DPP10: variants seen among roughly 807,000 people sequenced by gnomAD.
The protein encoded by DPP10 is dipeptidyl peptidase like 10.
In DPP10, 33 loss-of-function variants were observed where a neutral mutation model predicts 120.9. The observed-to-expected ratio is 0.27, with a 90% CI of 0.21 to 0.37. The LOEUF (loss-of-function observed/expected upper bound fraction) is 0.37. Among genes scored for constraint, DPP10 ranks in the 10% least tolerant of loss-of-function variants. DPP10 has a pLI of 1.00. For missense variants in DPP10, 816 were observed against 942.8 expected, an observed-to-expected ratio of 0.87 and a Z score of 1.76; for synonymous variants, 337 against 326.1, an observed-to-expected ratio of 1.03 and a Z score of -0.36.
At chr2:115,370,493 T>A (rs1439467944) in intron 3 of DPP10, among the ~76,000 whole-genome samples, 1 of 151,774 alleles carries the variant, frequency 6.6e-6, no homozygotes, top group Admixed American at 6.6e-5. Context: ...CTGTACAGAG[T>A]CAAGGACTGG....
In DPP10 at chr2:115,489,611, C is replaced by T. The variant is rs1253198335; in HGVS notation, c.272-9899C>T. Among the ~76,000 whole-genome samples, 6 of 148,836 alleles carry T rather than the reference C, an allele frequency of 4.0e-5. No individual in the cohort carries two copies. The East Asian group carries it at 5.9e-4, about 15-fold the overall frequency. On this transcript the variant is annotated intron_variant, in intron 3 of 25. Transcript: ENST00000410059. ...AAACCAAAAAATTTTGTAAAACTGG[C>T]GCTTTTTTTTTTTTTTAAATTAAGC...
chr2:114,899,873 T>G (rs1442615135), intron 1 of DPP10, among the ~76,000 whole-genome samples: 1 of 152,150 alleles, frequency 6.6e-6, no homozygotes, highest in African/African-American at 2.4e-5. Context: ...GGCAGGAGAA[T>G]GGCGTGAACC....
At chr2:115,630,577 TC>T (rs2085771067) in intron 5 of DPP10, among the ~76,000 whole-genome samples, 1 of 152,166 alleles carries the variant, frequency 6.6e-6, no homozygotes, top group South Asian at 2.1e-4. Context: ...TGAGGTATGT[TC>T]CTTCAATACC....
At chr2:115,339,876 G>T (rs1293764025) in intron 2 of DPP10, among the ~76,000 whole-genome samples, 1 of 152,150 alleles carries the variant, frequency 6.6e-6, no homozygotes, top group Non-Finnish European at 1.5e-5. Flanking sequence ...CTGTGGTGCT[G>T]GTCACCTGTG....
At chr2:115,788,250 G>A (rs1683558354) in intron 17 of DPP10, among the ~76,000 whole-genome samples, 1 of 151,996 alleles carries the variant, frequency 6.6e-6, no homozygotes, top group Admixed American at 6.6e-5. Context: ...CAATTTAGGG[G>A]TTACTACAGT....
chr2:114,776,724 A>C (rs1432791995), intron 1 of DPP10, among the ~76,000 whole-genome samples: 2 of 152,200 alleles, frequency 1.3e-5, no homozygotes, highest in Admixed American at 1.3e-4. Context: ...TAATTTTTAA[A>C]GTCACATATT....
chr2:114,801,090 C>T (rs1309208476), intron 1 of DPP10, among the ~76,000 whole-genome samples: 2 of 151,466 alleles, frequency 1.3e-5, no homozygotes, highest in Non-Finnish European at 2.9e-5. Context: ...GGTAAAACCC[C>T]GTCTCTACTA....
intron 1 of DPP10, among the ~76,000 whole-genome samples, chr2:114,935,465 T>C (rs1460463883): frequency 6.6e-6 from 1 of 152,154 alleles, no homozygotes; most frequent in East Asian, 1.9e-4. Context: ...TATGTGTAAG[T>C]AGTATTGTCC....
At chr2:115,698,119 T>C (rs1184133787) in intron 7 of DPP10, among the ~76,000 whole-genome samples, 1 of 152,188 alleles carries the variant, frequency 6.6e-6, no homozygotes. Flanking sequence ...TCATACATTT[T>C]GCCACCTATT....
chr2:115,151,856 TTAAA>T (rs1429317341), intron 1 of DPP10, among the ~76,000 whole-genome samples: 2 of 152,010 alleles, frequency 1.3e-5, no homozygotes, highest in Non-Finnish European at 2.9e-5. Flanking sequence ...CTTTTTAGTG[TTAAA>T]TATTTTTCTC....
intron 1 of DPP10, among the ~76,000 whole-genome samples, chr2:114,731,709 A>G (rs1676932072): frequency 6.6e-6 from 1 of 152,190 alleles, no homozygotes; most frequent in Admixed American, 6.5e-5. Flanking sequence ...AACAAAACAC[A>G]TGAAATAGCA....
intron 1 of DPP10, among the ~76,000 whole-genome samples, chr2:115,069,028 C>A (rs535017359): frequency 2.6e-5 from 4 of 152,102 alleles, no homozygotes; most frequent in African/African-American, 9.6e-5. Flanking sequence ...GTCAGGATTA[C>A]TTTTGACTGT....
At chr2:115,581,286 C>G (rs567673716) in intron 5 of DPP10, among the ~76,000 whole-genome samples, 11 of 152,258 alleles carry the variant, frequency 7.2e-5, no homozygotes, top group African/African-American at 2.6e-4. Flanking sequence ...ACACACCTCC[C>G]ATTTGCAAAT....
At chr2:114,632,861 T>C (rs528630226) in intron 1 of DPP10, among the ~76,000 whole-genome samples, 21 of 152,148 alleles carry the variant, frequency 1.4e-4, no homozygotes, top group Non-Finnish European at 2.8e-4. Context: ...CCATTGTGAT[T>C]ACTTTTGCTG....
chr2:114,450,727 T>TAAAAA (rs535824596), intron 1 of DPP10, among the ~76,000 whole-genome samples: 1 of 132,816 alleles, frequency 7.5e-6, no homozygotes, highest in Admixed American at 7.5e-5. Context: ...CTTCTGTAAG[T>TAAAAA]AAAAAAAAAA....
chr2:115,407,168 T>C, intron 3 of DPP10, among the ~76,000 whole-genome samples: 1 of 152,264 alleles, frequency 6.6e-6, no homozygotes, highest in Non-Finnish European at 1.5e-5. Flanking sequence ...CTCTACCCTG[T>C]CTCTGCAGTG....
At chr2:115,211,569 CTAA>C (rs960751234) in intron 1 of DPP10, among the ~76,000 whole-genome samples, 4 of 151,480 alleles carry the variant, frequency 2.6e-5, no homozygotes, top group South Asian at 2.1e-4. Flanking sequence ...CAAAACTCTC[CTAA>C]TAATGTTTTT....
intron 1 of DPP10, among the ~76,000 whole-genome samples, chr2:114,547,546 A>G (rs1687519074): frequency 6.6e-6 from 1 of 152,032 alleles, no homozygotes; most frequent in African/African-American, 2.4e-5. Context: ...GTACAACTCT[A>G]GGAATGTTCC....
At chr2:115,742,896 A>G (rs1293045674) in intron 9 of DPP10, among the ~76,000 whole-genome samples, 3 of 152,040 alleles carry the variant, frequency 2.0e-5, no homozygotes, top group Non-Finnish European at 2.9e-5. Flanking sequence ...ATATATTTGT[A>G]TTTTACTTAA....
Sources: allele counts gnomAD v4.1 joint callset (sites outside exome capture counted in the v4.1 genomes callset), GRCh38; gene constraint gnomAD v4.1.1; transcripts MANE v1.5; gene names NCBI Gene and HGNC (gene_info 2026-07-23, HGNC 2026-07-21).